ESRRB: variants seen among roughly 807,000 people sequenced by gnomAD.
ESRRB encodes estrogen related receptor beta.
ESRRB carries 16 observed loss-of-function variants against 46.0 expected under a neutral mutation model. The ratio of observed to expected loss-of-function variants is 0.35; its 90% CI spans 0.24 to 0.53. The LOEUF (loss-of-function observed/expected upper bound fraction) is 0.53. Ranked by LOEUF, ESRRB falls within the 20% of genes least tolerant of loss-of-function variation. ESRRB has a pLI of 0.93. For missense variants in ESRRB, 488 were observed against 607.4 expected, an observed-to-expected ratio of 0.80 and a Z score of 2.07; for synonymous variants, 246 against 259.6, an observed-to-expected ratio of 0.95 and a Z score of 0.50.
At chr14:76,447,300 T>TCCTTCCTTC (rs1888195198) in intron 2 of ESRRB, among the ~76,000 whole-genome samples, 1 of 140,876 alleles carries the variant, frequency 7.1e-6, no homozygotes, top group Non-Finnish European at 1.5e-5. Flanking sequence ...CTTCCTTCCT[T>TCCTTCCTTC]CTTTCCATTA....
Position 76,500,968 on chromosome 14 carries a change from A to C in ESRRB, c.*2510A>C. ...CTGGTACTGAAGGGGTCCATTGGAC[A>C]CTCAGAAAAGAAGTTCAGGGGCCAA... On this transcript the variant is annotated 3_prime_UTR_variant, in exon 7 of 7. Transcript: ENST00000644823. The C allele has an allele frequency of 1.8e-6, 1 of 567,536 alleles. No homozygotes were observed. Among genetic ancestry groups the C allele is most frequent in the Non-Finnish European group, 3.2e-6 (1 of 317,114 alleles). 35.2% of individuals were successfully genotyped at this position (567,536 alleles called of 1,614,324 possible).
At chr14:76,384,464 T>G (rs1042765247) in intron 1 of ESRRB, among the ~76,000 whole-genome samples, 10 of 152,166 alleles carry the variant, frequency 6.6e-5, no homozygotes, top group African/African-American at 2.4e-4. Context: ...CAGGTTTGCG[T>G]GTCTGAATTC....
chr14:76,355,946 T>C (rs956401908), intron 1 of ESRRB, among the ~76,000 whole-genome samples: 3 of 152,158 alleles, frequency 2.0e-5, no homozygotes, highest in Admixed American at 1.3e-4. Context: ...TCTTCCGCAA[T>C]CTCTTCCCCC....
At chr14:76,313,137 C>A (rs57914026) in intron 1 of ESRRB, among the ~76,000 whole-genome samples, 22,451 of 151,818 alleles carry the variant, frequency 0.15, 2,397 homozygotes, top group African/African-American at 0.29. Flanking sequence ...CTTGTCTGAC[C>A]GTGTGATAGA....
intron 2 of ESRRB, among the ~76,000 whole-genome samples, chr14:76,459,276 C>T (rs551371915): frequency 6.6e-6 from 1 of 151,942 alleles, no homozygotes; most frequent in Non-Finnish European, 1.5e-5. Flanking sequence ...CCCGTGTGTG[C>T]GCATTGAGCG....
chr14:76,331,051 T>C (rs118148671), intron 1 of ESRRB, among the ~76,000 whole-genome samples: 2,050 of 152,170 alleles, frequency 0.013, 33 homozygotes, highest in South Asian at 0.082. Context: ...ACACTGGAAC[T>C]TGGGGGAGAT....
At chr14:76,421,926 T>TTGCCA in intron 1 of ESRRB, among the ~76,000 whole-genome samples, 1 of 152,336 alleles carries the variant, frequency 6.6e-6, no homozygotes, top group Non-Finnish European at 1.5e-5. Flanking sequence ...AGCAGCATCT[T>TTGCCA]GCAGGATGAA....
chr14:76,479,003 G>C (rs1399449561), intron 3 of ESRRB, among the ~76,000 whole-genome samples: 1 of 152,102 alleles, frequency 6.6e-6, no homozygotes, highest in African/African-American at 2.4e-5. Context: ...AGAAGTTGAT[G>C]GTACAGCTGC....
At chr14:76,414,886 C>T (rs975008575) in intron 1 of ESRRB, among the ~76,000 whole-genome samples, 8 of 152,106 alleles carry the variant, frequency 5.3e-5, no homozygotes, top group Admixed American at 1.3e-4. Flanking sequence ...TGACCTGAGG[C>T]AAGTCCCCGG....
At chr14:76,422,377 AT>A (rs1472287648) in intron 1 of ESRRB, among the ~76,000 whole-genome samples, 10 of 151,354 alleles carry the variant, frequency 6.6e-5, no homozygotes, top group Non-Finnish European at 1.2e-4. Flanking sequence ...CACCCAGCTA[AT>A]TTTTTTTGTA....
chr14:76,460,723 C>T (rs1234932135), intron 2 of ESRRB, among the ~76,000 whole-genome samples: 5 of 75,936 alleles, frequency 6.6e-5, no homozygotes, highest in Middle Eastern at 6.9e-3. Flanking sequence ...TTTTTTGAGA[C>T]GGAGTTTTGC....
intron 1 of ESRRB, among the ~76,000 whole-genome samples, chr14:76,392,916 GA>G (rs921660964): frequency 6.6e-6 from 1 of 152,240 alleles, no homozygotes; most frequent in Non-Finnish European, 1.5e-5. Flanking sequence ...CCTTCACAGA[GA>G]AGAGCCACTT....
At chr14:76,338,693 C>A (rs1026210865) in intron 1 of ESRRB, among the ~76,000 whole-genome samples, 1 of 152,140 alleles carries the variant, frequency 6.6e-6, no homozygotes, top group Admixed American at 6.5e-5. Flanking sequence ...TGCCTGTAAT[C>A]CCACCACTTT....
chr14:76,444,983 C>G (rs1172094396), intron 2 of ESRRB, among the ~76,000 whole-genome samples: 3 of 151,400 alleles, frequency 2.0e-5, no homozygotes. Flanking sequence ...GCTTGTGTAA[C>G]AAAGCGAGAC....
At position 76,358,397 on chromosome 14, in the gene ESRRB, A is replaced by AAGAAAGAAAGAAAGAG. The variant is rs1884421954; in HGVS notation, c.2+47496_2+47497insGAGAAAGAAAGAAAGA. ...AAAGAAAGAAAGAAAGAAAGAAAGA[A>AAGAAAGAAAGAAAGAG]AGAAAGAAAGAAAGAAAAGAAAAGA... On this transcript the variant is annotated intron_variant, in intron 1 of 6. Coordinates refer to the ESRRB transcript ENST00000512784. Among the ~76,000 whole-genome samples, 11 of 127,044 alleles carry AAGAAAGAAAGAAAGAG rather than the reference A, an allele frequency of 8.7e-5. 1 individual carries two copies. The highest frequency in any genetic ancestry group is 2.8e-4 in the African/African-American group (9 of 32,310). 83.3% of individuals were successfully genotyped at this position (127,044 alleles called of 152,430 possible). A position where few individuals can be genotyped will look rare whatever the true frequency, so the allele number is the denominator to read the frequency against.
rs146120610 is a variant in ESRRB, at chr14:76,492,277, C to A, written c.1120+561C>A. On this transcript the variant is annotated intron_variant, in intron 6 of 6. Transcript: ENST00000644823. ...CTTTTGGGCTCAAGCCATCCTCCCA[C>A]CTCAGCCTCCTGAGTAGCTGGAACT... 6.9e-3 allele frequency among the ~76,000 whole-genome samples: 1,056 copies of A among 152,332 alleles called. 11 individuals are homozygous for A. The highest frequency in any genetic ancestry group is 0.024 in the African/African-American group (991 of 41,580).
At chr14:76,389,570 G>A (rs1885383505) in intron 1 of ESRRB, among the ~76,000 whole-genome samples, 1 of 152,204 alleles carries the variant, frequency 6.6e-6, no homozygotes, top group African/African-American at 2.4e-5. Flanking sequence ...CATGGAGGCA[G>A]CTCTGGCTTG....
At chr14:76,448,615 CG>C (rs1888254021) in intron 2 of ESRRB, among the ~76,000 whole-genome samples, 1 of 151,924 alleles carries the variant, frequency 6.6e-6, no homozygotes, top group African/African-American at 2.4e-5. Flanking sequence ...GGATTACAGA[CG>C]TGAGCCACCG....
At chr14:76,341,188 G>T (rs1225777779) in intron 1 of ESRRB, among the ~76,000 whole-genome samples, 1 of 152,168 alleles carries the variant, frequency 6.6e-6, no homozygotes, top group Non-Finnish European at 1.5e-5. Flanking sequence ...CCCTCTCCTA[G>T]GTCCTGGCGT....
Sources: gnomAD v4.1 joint callset for allele counts (sites outside exome capture counted in the v4.1 genomes callset) on GRCh38, gnomAD v4.1.1 for gene constraint, MANE v1.5 for transcripts, NCBI Gene and HGNC (gene_info 2026-07-23, HGNC 2026-07-21) for gene names.